CORO2B: variants seen among roughly 807,000 people sequenced by gnomAD.
CORO2B encodes the protein coronin 2B.
A neutral mutation model predicts 58.8 loss-of-function variants in CORO2B; 26 were observed. The ratio of observed to expected loss-of-function variants is 0.44; its 90% CI spans 0.32 to 0.61. The LOEUF is 0.61. Among genes scored for constraint, CORO2B ranks in the 20% least tolerant of loss-of-function variants. The pLI is 0.04. For missense variants in CORO2B, 460 were observed against 645.1 expected (o/e 0.71, Z 3.11); for synonymous variants, 242 against 253.8 (o/e 0.95, Z 0.44).
the CORO2B span, among the ~76,000 whole-genome samples, chr15:68,523,153 T>C: frequency 6.6e-6 from 1 of 152,158 alleles, no homozygotes; most frequent in Non-Finnish European, 1.5e-5. Context: ...CCACTCATTC[T>C]TAGAAAATCC....
intron 1 of CORO2B, among the ~76,000 whole-genome samples, chr15:68,625,288 G>C (rs1900645179): frequency 6.6e-6 from 1 of 150,746 alleles, no homozygotes; most frequent in African/African-American, 2.5e-5. Flanking sequence ...TTTTAACTCG[G>C]GTTCTTCGAG....
At chr15:68,530,545 A>G in the CORO2B span, among the ~76,000 whole-genome samples, 1 of 152,136 alleles carries the variant, frequency 6.6e-6, no homozygotes, top group Non-Finnish European at 1.5e-5. Context: ...TTGTACTATC[A>G]GTAATTGAGA....
intron 1 of CORO2B, among the ~76,000 whole-genome samples, chr15:68,632,751 T>A (rs1045806519): frequency 6.6e-6 from 1 of 152,072 alleles, no homozygotes; most frequent in African/African-American, 2.4e-5. Flanking sequence ...CTAGCACGCT[T>A]GGCTAATTTT....
chr15:68,644,335 A>G (rs1368186439), intron 1 of CORO2B, among the ~76,000 whole-genome samples: 1 of 152,200 alleles, frequency 6.6e-6, no homozygotes, highest in Non-Finnish European at 1.5e-5. Context: ...TATTGGATTC[A>G]GTAGGTCTAG....
intron 1 of CORO2B, among the ~76,000 whole-genome samples, chr15:68,644,444 A>C (rs1901356907): frequency 6.6e-6 from 1 of 152,150 alleles, no homozygotes. Context: ...TGTGGGCCAC[A>C]TGCTGAGAAA....
chr15:68,706,990 T>C (rs1483988931), intron 3 of CORO2B, among the ~76,000 whole-genome samples: 4 of 152,130 alleles, frequency 2.6e-5, no homozygotes, highest in Non-Finnish European at 5.9e-5. Flanking sequence ...AGACAGAGAC[T>C]CACTCTGTCG....
intron 1 of CORO2B, among the ~76,000 whole-genome samples, chr15:68,640,645 G>C (rs1901185169): frequency 6.6e-6 from 1 of 151,432 alleles, no homozygotes; most frequent in Non-Finnish European, 1.5e-5. Context: ...AAAGGCATTG[G>C]GGGGAAATTT....
intron 1 of CORO2B, among the ~76,000 whole-genome samples, chr15:68,595,257 C>T (rs893108586): frequency 6.6e-6 from 1 of 152,208 alleles, no homozygotes; most frequent in African/African-American, 2.4e-5. Context: ...CAAAGGGGCC[C>T]CCTCCCTCTT....
Position 68,695,087 on chromosome 15 carries a change from C to T in CORO2B, c.217-53C>T. The T allele has an allele frequency of 3.5e-6, 5 of 1,435,662 alleles. No homozygotes were observed. The South Asian group carries it at 5.7e-5, about 16-fold the overall frequency. 88.9% of individuals were successfully genotyped at this position (1,435,662 alleles called of 1,614,324 possible). A position where few individuals can be genotyped will look rare whatever the true frequency, so the allele number is the denominator to read the frequency against. ...AAAAAGGTGCTCCATTCAAGGCCAC[C>T]CCAGGGCCATCAAACTAATCTCCTT... On this transcript the variant is annotated intron_variant, in intron 2 of 11. Coordinates refer to ENST00000261861, the MANE Select transcript of CORO2B (RefSeq NM_006091.5).
At chr15:68,551,322 C>T in the CORO2B span, among the ~76,000 whole-genome samples, 3 of 152,062 alleles carry the variant, frequency 2.0e-5, no homozygotes, top group Non-Finnish European at 4.4e-5. Context: ...ACTAGGAGGT[C>T]CAGGTAACAA....
intron 1 of CORO2B, among the ~76,000 whole-genome samples, chr15:68,605,329 T>A (rs1243751261): frequency 6.6e-6 from 1 of 152,162 alleles, no homozygotes; most frequent in Non-Finnish European, 1.5e-5. Flanking sequence ...GTAATCCCGC[T>A]TCTGGGAACC....
At chr15:68,670,640 A>G (rs1902360798) in intron 2 of CORO2B, among the ~76,000 whole-genome samples, 1 of 152,260 alleles carries the variant, frequency 6.6e-6, no homozygotes, top group Admixed American at 6.5e-5. Context: ...CCATTAGGAA[A>G]TAATTGAGGA....
chr15:68,727,168 G>T lies in CORO2B; in HGVS notation c.*1194G>T, dbSNP rs897053065. ...CTCAGCCACTTTCAGCCTTATGCAC[G>T]TAGAATGACCACAGCCACTCGCATC... On this transcript the variant is annotated 3_prime_UTR_variant, in exon 12 of 12. Transcript: ENST00000261861. The T allele has an allele frequency of 6.5e-6, 1 of 152,742 alleles. No homozygotes were observed. The highest frequency in any genetic ancestry group is 1.9e-4 in the East Asian group (1 of 5,180). 9.5% of individuals were successfully genotyped at this position (152,742 alleles called of 1,614,324 possible). A position where few individuals can be genotyped will look rare whatever the true frequency, so the allele number is the denominator to read the frequency against.
chr15:68,594,262 C>A (rs1401364530), intron 1 of CORO2B, among the ~76,000 whole-genome samples: 3 of 152,182 alleles, frequency 2.0e-5, no homozygotes, highest in African/African-American at 4.8e-5. Flanking sequence ...AACCTGGTGT[C>A]CCCTGCAGTA....
At chr15:68,567,679 G>A in the CORO2B span, among the ~76,000 whole-genome samples, 181 of 152,300 alleles carry the variant, frequency 1.2e-3, no homozygotes, top group African/African-American at 3.7e-3. Flanking sequence ...CCAATTTGGC[G>A]TATTTTCGGA....
the CORO2B span, among the ~76,000 whole-genome samples, chr15:68,573,824 A>G: frequency 6.6e-6 from 1 of 152,218 alleles, no homozygotes; most frequent in Non-Finnish European, 1.5e-5. Context: ...AACCATCCAC[A>G]GGAGCAGAGA....
At chr15:68,639,657 C>T (rs1012111608) in intron 1 of CORO2B, among the ~76,000 whole-genome samples, 1 of 152,170 alleles carries the variant, frequency 6.6e-6, no homozygotes, top group Non-Finnish European at 1.5e-5. Flanking sequence ...CGTCCTTAAT[C>T]GGAGGTCATC....
In CORO2B at chr15:68,619,065, A is replaced by G. The variant is rs559981915; in HGVS notation, c.16-26095A>G. ...CCTAGTCAGGTCAGCAGCCCCAGAT[A>G]CAATTACATCATATTTATCTTTGGG... On this transcript the variant is annotated intron_variant, in intron 1 of 11. Coordinates refer to ENST00000261861, the MANE Select transcript of CORO2B (RefSeq NM_006091.5). Among the ~76,000 whole-genome samples the G allele has an allele frequency of 3.9e-5, 6 of 152,330 alleles. No individual in the cohort carries two copies. The South Asian group carries it at 1.2e-3, about 32-fold the overall frequency.
chr15:68,673,889 G>A (rs1427573644), intron 2 of CORO2B, among the ~76,000 whole-genome samples: 3 of 151,006 alleles, frequency 2.0e-5, no homozygotes, highest in East Asian at 1.9e-4. Flanking sequence ...CCACAGCACC[G>A]TGGGTGACTA....
Sources: allele counts gnomAD v4.1 joint callset (sites outside exome capture counted in the v4.1 genomes callset), GRCh38; gene constraint gnomAD v4.1.1; transcripts MANE v1.5; gene names NCBI Gene and HGNC (gene_info 2026-07-23, HGNC 2026-07-21).